The following RABGAP1L variants were observed in gnomAD, a reference collection of about 807,000 sequenced individuals.
The protein encoded by RABGAP1L is RAB GTPase activating protein 1 like.
Under a neutral mutation model 137.7 loss-of-function variants are expected in RABGAP1L, and 63 were observed. That is an observed-to-expected ratio of 0.46 (90% CI 0.37 to 0.56). RABGAP1L has a LOEUF of 0.56. Ranked by LOEUF, RABGAP1L falls within the 20% of genes least tolerant of loss-of-function variation. The pLI, the probability that RABGAP1L is intolerant of heterozygous loss-of-function variation, is 0.00. For synonymous variants in RABGAP1L, 431 were observed against 433.7 expected, an observed-to-expected ratio of 0.99 and a Z score of 0.08; for missense variants, 1,095 against 1,244.0, an observed-to-expected ratio of 0.88 and a Z score of 1.80.
intron 14 of RABGAP1L, among the ~76,000 whole-genome samples, chr1:174,658,740 C>T (rs1676153468): frequency 6.6e-6 from 1 of 152,088 alleles, no homozygotes; most frequent in Non-Finnish European, 1.5e-5. Context: ...TGTGAATGTT[C>T]TATCTTGCTC....
intron 13 of RABGAP1L, among the ~76,000 whole-genome samples, chr1:174,442,727 T>G (rs1189152778): frequency 6.6e-6 from 1 of 152,158 alleles, no homozygotes; most frequent in Admixed American, 6.6e-5. Flanking sequence ...ACTTATTGTA[T>G]TGGTAACATT....
intron 19 of RABGAP1L, among the ~76,000 whole-genome samples, chr1:174,819,712 C>T (rs1573353542): frequency 6.6e-6 from 1 of 152,140 alleles, no homozygotes; most frequent in Non-Finnish European, 1.5e-5. Context: ...GCCAGTTTGA[C>T]TGTACTTCAG....
chr1:174,481,893 G>T (rs10912793), intron 13 of RABGAP1L, among the ~76,000 whole-genome samples: 15,991 of 132,324 alleles, frequency 0.12, 2,905 homozygotes, highest in African/African-American at 0.4. Context: ...AAAAAAAAAA[G>T]AAAAAAAAAG....
intron 11 of RABGAP1L, among the ~76,000 whole-genome samples, chr1:174,348,511 G>A (rs1176333308): frequency 2.9e-5 from 4 of 140,290 alleles, no homozygotes; most frequent in Non-Finnish European, 6.2e-5. Context: ...CACAGAGGGG[G>A]ATTTGGCAGG....
intron 7 of RABGAP1L, among the ~76,000 whole-genome samples, chr1:174,254,494 C>T (rs776469213): frequency 2.0e-5 from 3 of 152,078 alleles, no homozygotes; most frequent in Non-Finnish European, 2.9e-5. Context: ...CCCTTGCCCC[C>T]GAACCCTGAC....
At chr1:174,422,967 A>AT (rs1198671624) in intron 13 of RABGAP1L, among the ~76,000 whole-genome samples, 1 of 137,670 alleles carries the variant, frequency 7.3e-6, no homozygotes, top group Non-Finnish European at 1.6e-5. Context: ...AAAAAAAAAA[A>AT]TTTTTTTTGA....
At chr1:174,821,967 C>T (rs935159731) in intron 19 of RABGAP1L, among the ~76,000 whole-genome samples, 16 of 152,154 alleles carry the variant, frequency 1.1e-4, no homozygotes, top group Admixed American at 1.0e-3. Flanking sequence ...TGATAATTAA[C>T]ACATTGATAA....
At chr1:174,756,926 T>C in intron 18 of RABGAP1L, 1 of 774,376 alleles carries the variant, frequency 1.3e-6, no homozygotes, top group Non-Finnish European at 2.1e-6. Context: ...ACCACCAGTG[T>C]CCCTCAGCCA....
chr1:174,386,483 G>GTGTGTGTGTT (rs913261813), intron 12 of RABGAP1L, among the ~76,000 whole-genome samples: 24 of 151,820 alleles, frequency 1.6e-4, no homozygotes, highest in Non-Finnish European at 2.8e-4. Context: ...GGGTGTGTGT[G>GTGTGTGTGTT]TGTGTGTGTT....
intron 11 of RABGAP1L, among the ~76,000 whole-genome samples, chr1:174,350,069 C>T (rs1210237845): frequency 4.5e-5 from 6 of 133,854 alleles, no homozygotes; most frequent in Non-Finnish European, 6.5e-5. Context: ...CCGGACGGGG[C>T]GGCTGGCTGG....
chr1:174,972,502 A>G (rs1379501883), intron 21 of RABGAP1L, among the ~76,000 whole-genome samples: 1 of 152,218 alleles, frequency 6.6e-6, no homozygotes, highest in Non-Finnish European at 1.5e-5. Context: ...ATGAGACATT[A>G]TAAGATATTG....
intron 19 of RABGAP1L, among the ~76,000 whole-genome samples, chr1:174,822,248 C>T (rs546385863): frequency 6.6e-6 from 1 of 152,298 alleles, no homozygotes; most frequent in South Asian, 2.1e-4. Flanking sequence ...GGCAATGGAA[C>T]AAGACTGTGT....
At chr1:174,550,999 C>CACACACAT (rs1349225848) in intron 13 of RABGAP1L, among the ~76,000 whole-genome samples, 1 of 86,348 alleles carries the variant, frequency 1.2e-5, no homozygotes, top group South Asian at 3.1e-4. Context: ...TATATATACA[C>CACACACAT]ATATATATAT....
intron 23 of RABGAP1L, among the ~76,000 whole-genome samples, chr1:174,980,958 C>T (rs150342360): frequency 2.1e-4 from 32 of 151,288 alleles, no homozygotes; most frequent in African/African-American, 6.6e-4. Context: ...TCTGAGATGC[C>T]GAATGTGGGC....
At position 174,576,546 on chromosome 1, in the gene RABGAP1L, C is replaced by T. The variant is rs905021315; in HGVS notation, c.1711-60829C>T. Reference sequence around the variant, plus strand: ...AACCTGGCATTGTCTTTACACAATCCTGCATGCAATTTTATATTTACAATA... The same window carrying T: ...AACCTGGCATTGTCTTTACACAATCTTGCATGCAATTTTATATTTACAATA... On this transcript the variant is annotated intron_variant, in intron 13 of 25. Coordinates refer to ENST00000681986, the MANE Select transcript of RABGAP1L (RefSeq NM_001366446.1). Among the ~76,000 whole-genome samples the T allele has an allele frequency of 9.9e-5, 15 of 152,186 alleles. No homozygotes were observed. In the East Asian group the frequency reaches 1.2e-3, roughly 12 times the overall value.
chr1:174,616,352 A>G (rs74126855), intron 13 of RABGAP1L, among the ~76,000 whole-genome samples: 20,304 of 152,228 alleles, frequency 0.13, 4,541 homozygotes, highest in African/African-American at 0.46. Flanking sequence ...TTGGGAGAGA[A>G]TTTAAACTTC....
chr1:174,973,979 GTTTTTTTTTTTTTTTT>G (rs58500594), intron 21 of RABGAP1L, among the ~76,000 whole-genome samples: 7 of 85,788 alleles, frequency 8.2e-5, no homozygotes, highest in African/African-American at 1.8e-4. Flanking sequence ...ATTGTTTTTT[GTTTTTTTTTTTTTTTT>G]TTTTTTTTTT....
chr1:174,219,226 A>G lies in RABGAP1L; in HGVS notation c.69A>G (p.Glu23=). Reference sequence around the variant, plus strand: ...ATTCTGTGGCTACAATGAACAGTGAAGAATTTGTTTTGGTTCCTCAGTATG... The same window carrying G: ...ATTCTGTGGCTACAATGAACAGTGAGGAATTTGTTTTGGTTCCTCAGTATG... ...SSDSVATMNS[E]EFVLVPQYAD... Residue 23 remains glutamate (E), a synonymous_variant, in exon 2 of 26, where the codon GAA becomes GAG. Coordinates refer to ENST00000681986, the MANE Select transcript of RABGAP1L (RefSeq NM_001366446.1). The G allele has an allele frequency of 6.2e-7, 1 of 1,603,988 alleles. No homozygotes were observed. Among genetic ancestry groups the G allele is most frequent in the Non-Finnish European group, 8.5e-7 (1 of 1,173,324 alleles).
intron 17 of RABGAP1L, among the ~76,000 whole-genome samples, chr1:174,722,320 A>T (rs1042954275): frequency 3.9e-5 from 6 of 152,232 alleles, no homozygotes; most frequent in Non-Finnish European, 7.3e-5. Context: ...AGCTTAAAAG[A>T]TTCTACACTT....
Sources: allele counts gnomAD v4.1 joint callset (sites outside exome capture counted in the v4.1 genomes callset), GRCh38; gene constraint gnomAD v4.1.1; transcripts MANE v1.5; gene names NCBI Gene and HGNC (gene_info 2026-07-23, HGNC 2026-07-21).